Variants in RAPGEF2 observed in about 807,000 individuals in gnomAD.
RAPGEF2 encodes PDZ domain containing guanine nucleotide exchange factor (GEF) 1.
Under a neutral mutation model 186.7 loss-of-function variants are expected in RAPGEF2, and 54 were observed. That is an observed-to-expected ratio of 0.29 (90% CI 0.23 to 0.36). The LOEUF is 0.36. Among genes scored for constraint, RAPGEF2 ranks in the 10% least tolerant of loss-of-function variants. The pLI is 1.00. For synonymous variants in RAPGEF2, 712 were observed against 705.9 expected (o/e 1.01, Z -0.14); for missense variants, 1,532 against 2,045.0 (o/e 0.75, Z 4.84).
In RAPGEF2 at chr4:159,193,214, CTG is replaced by C. The variant is rs1748295863; in HGVS notation, c.158_159del (p.Val53GlufsTer3). The C allele has an allele frequency of 1.3e-6, 2 of 1,502,522 alleles. No homozygotes were observed. The highest frequency in any genetic ancestry group is 1.4e-5 in the African/African-American group (1 of 71,660). The allele number at this position is 1,502,522 out of a possible 1,614,324, so 93.1% of individuals were successfully genotyped here. On this transcript the variant is annotated frameshift_variant, in exon 3 of 30. Transcript: ENST00000691494. LOFTEE classifies it high-confidence loss of function. ...CTCTTTTACAGGTTAATGTGTGAAA[CTG>C]TGAGATATGAGAGACACGAAGCAAA...
intron 7 of RAPGEF2, among the ~76,000 whole-genome samples, chr4:159,291,236 A>G (rs1436411359): frequency 6.6e-6 from 1 of 152,210 alleles, no homozygotes; most frequent in Non-Finnish European, 1.5e-5. Context: ...TTTAAAATCA[A>G]GGTAGTTTCC....
In RAPGEF2 at chr4:159,238,867, C is replaced by A; in HGVS notation, c.340C>A (p.Pro114Thr). 6.6e-7 allele frequency: 1 copy of A among 1,515,466 alleles called. No homozygotes were observed. The highest frequency in any genetic ancestry group is 2.2e-5 in the Admixed American group (1 of 46,142). 93.9% of individuals were successfully genotyped at this position (1,515,466 alleles called of 1,614,324 possible). Residue 114 changes from proline (P) to threonine (T), a missense_variant, in exon 5 of 30, where the codon CCT (proline) becomes ACT (threonine). By Grantham distance (38) the Pro-to-Thr change is conservative. Coordinates refer to ENST00000691494, the MANE Select transcript of RAPGEF2 (RefSeq NM_001394067.2). ...TGGCTGTGAATGCATTGTTTTAGAGCCTTCTGAAATGATTGTGGTAAGAGT... is the reference window on the plus strand; with the variant it reads ...TGGCTGTGAATGCATTGTTTTAGAGACTTCTGAAATGATTGTGGTAAGAGT... The part of the protein sequence containing the change: ...RRGCECIVLE[P>T]SEMIVVDYMD...
intron 8 of RAPGEF2, among the ~76,000 whole-genome samples, chr4:159,310,026 T>C (rs1763780311): frequency 7.4e-6 from 1 of 135,374 alleles, no homozygotes; most frequent in Non-Finnish European, 1.5e-5. Flanking sequence ...AGAACATCAA[T>C]TGATAAGAAG....
chr4:159,300,299 C>T (rs1294762072), intron 7 of RAPGEF2, among the ~76,000 whole-genome samples: 1 of 151,640 alleles, frequency 6.6e-6, no homozygotes, highest in Non-Finnish European at 1.5e-5. Context: ...ATATATTTAG[C>T]AGTGTTTGTG....
chr4:159,252,432 G>A (rs545494089), intron 7 of RAPGEF2, among the ~76,000 whole-genome samples: 1 of 152,276 alleles, frequency 6.6e-6, no homozygotes, highest in African/African-American at 2.4e-5. Context: ...TTTTAGAAAG[G>A]GATCATTTTG....
rs575507011 is a variant in RAPGEF2, at chr4:159,261,085, C to T, written c.543+17294C>T. Among the ~76,000 whole-genome samples the T allele has an allele frequency of 6.5e-4, 89 of 137,196 alleles. 1 individual carries two copies. Among genetic ancestry groups the T allele is most frequent in the East Asian group, 6.6e-4 (3 of 4,580 alleles). The allele number at this position is 137,196 out of a possible 152,430, so 90.0% of individuals were successfully genotyped here. ...AAGGTTAATTTTTTTTTTTTTTAGA[C>T]GGAGTCACTCTGTCACCCAGGCTGG... On this transcript the variant is annotated intron_variant, in intron 7 of 29. Transcript: ENST00000691494.
chr4:159,147,798 A>G (rs1056292771), intron 1 of RAPGEF2, among the ~76,000 whole-genome samples: 1 of 152,246 alleles, frequency 6.6e-6, no homozygotes, highest in Non-Finnish European at 1.5e-5. Context: ...TTTAGTCAAG[A>G]TACCTAATCT....
intron 1 of RAPGEF2, among the ~76,000 whole-genome samples, chr4:159,121,561 A>C (rs115419013): frequency 1.3e-5 from 2 of 151,564 alleles, no homozygotes; most frequent in South Asian, 4.2e-4. Context: ...TGGAGATGGG[A>C]TCTCACTGTG....
At chr4:159,262,863 G>C (rs1009501879) in intron 7 of RAPGEF2, among the ~76,000 whole-genome samples, 16 of 151,940 alleles carry the variant, frequency 1.1e-4, no homozygotes, top group African/African-American at 3.4e-4. Flanking sequence ...CGTATCTGTG[G>C]AGTAAATCAT....
At chr4:159,106,017 C>G (rs572153796) in intron 1 of RAPGEF2, among the ~76,000 whole-genome samples, 3 of 152,344 alleles carry the variant, frequency 2.0e-5, no homozygotes, top group Non-Finnish European at 2.9e-5. Flanking sequence ...AAAACCTCCA[C>G]TGTGACTGTG....
At position 159,115,875 on chromosome 4, in the gene RAPGEF2, G is replaced by T. The variant is rs145271662; in HGVS notation, c.69+11644G>T. Reference sequence around the variant, plus strand: ...TTAATAAATGGTGCTGGGAAAACTGGCTAGCCATATGCAGAAAATTGAAAC... The same window carrying T: ...TTAATAAATGGTGCTGGGAAAACTGTCTAGCCATATGCAGAAAATTGAAAC... On this transcript the variant is annotated intron_variant, in intron 1 of 29. Transcript: ENST00000691494. 3.3e-3 allele frequency among the ~76,000 whole-genome samples: 506 copies of T among 152,262 alleles called. 5 individuals are homozygous for T. Among genetic ancestry groups the T allele is most frequent in the African/African-American group, 0.012 (489 of 41,544 alleles).
intron 1 of RAPGEF2, among the ~76,000 whole-genome samples, chr4:159,145,566 C>T (rs991653740): frequency 6.6e-6 from 1 of 152,132 alleles, no homozygotes; most frequent in Non-Finnish European, 1.5e-5. Flanking sequence ...TATATAACAG[C>T]CTATTGAGAT....
intron 1 of RAPGEF2, among the ~76,000 whole-genome samples, chr4:159,173,748 C>T (rs375104004): frequency 7.9e-5 from 12 of 152,096 alleles, no homozygotes; most frequent in East Asian, 5.8e-4. Flanking sequence ...TGTGTATACG[C>T]AGCTGATTTC....
chr4:159,184,767 C>G (rs1019152618), intron 1 of RAPGEF2, among the ~76,000 whole-genome samples: 3 of 152,024 alleles, frequency 2.0e-5, no homozygotes, highest in African/African-American at 4.8e-5. Context: ...TTTGTCAATT[C>G]TGGCTTTTGT....
intron 8 of RAPGEF2, among the ~76,000 whole-genome samples, chr4:159,312,385 G>A (rs1277238472): frequency 6.6e-6 from 1 of 152,076 alleles, no homozygotes; most frequent in Non-Finnish European, 1.5e-5. Flanking sequence ...TTAGCAAATT[G>A]TATTTCTAGA....
At chr4:159,111,850 C>T (rs1049621131) in intron 1 of RAPGEF2, among the ~76,000 whole-genome samples, 3 of 152,078 alleles carry the variant, frequency 2.0e-5, no homozygotes, top group African/African-American at 7.2e-5. Flanking sequence ...TACCCTTTAA[C>T]CGGTTTCTCC....
At chr4:159,335,793 G>GC in intron 17 of RAPGEF2, among the ~76,000 whole-genome samples, 2 of 141,480 alleles carry the variant, frequency 1.4e-5, no homozygotes, top group Non-Finnish European at 3.0e-5. Flanking sequence ...CCGAGATTGT[G>GC]CCACTGCATT....
chr4:159,331,424 T>A lies in RAPGEF2; in HGVS notation c.1468-7T>A. The A allele has an allele frequency of 6.4e-7, 1 of 1,550,446 alleles. No individual in the cohort carries two copies. Among genetic ancestry groups the A allele is most frequent in the Non-Finnish European group, 8.8e-7 (1 of 1,138,798 alleles). On this transcript the variant is annotated splice_polypyrimidine_tract_variant and splice_region_variant and intron_variant, in intron 13 of 29. Transcript: ENST00000691494. ...AGGAAACTTATTGAAAATAATTGAC[T>A]TTTCAGGTTACACGGGTAGTATTAT...
At chr4:159,266,683 T>G (rs1579678455) in intron 7 of RAPGEF2, among the ~76,000 whole-genome samples, 1 of 152,178 alleles carries the variant, frequency 6.6e-6, no homozygotes, top group South Asian at 2.1e-4. Context: ...AATCACATCA[T>G]CTAAATGTAT....
Sources: allele counts gnomAD v4.1 joint callset (sites outside exome capture counted in the v4.1 genomes callset), GRCh38; gene constraint gnomAD v4.1.1; transcripts MANE v1.5; gene names NCBI Gene and HGNC (gene_info 2026-07-23, HGNC 2026-07-21).